The following SEMA3G variants were observed in gnomAD, a reference collection of about 807,000 sequenced individuals.
SEMA3G encodes semaphorin 3G.
In SEMA3G, 70 loss-of-function variants were observed where a neutral mutation model predicts 86.2. The ratio of observed to expected loss-of-function variants is 0.81; its 90% CI spans 0.67 to 0.99. SEMA3G has a LOEUF of 0.99. Among genes scored for constraint, SEMA3G ranks in the 50% least tolerant of loss-of-function variants. SEMA3G has a pLI of 0.00. For missense variants in SEMA3G, 1,002 were observed against 1,072.4 expected (o/e 0.93, Z 0.92); for synonymous variants, 416 against 441.4 (o/e 0.94, Z 0.72).
chr3:52,440,681 T>C, intron 9 of SEMA3G, 73 bp downstream of exon 9: 1 of 1,500,942 alleles, frequency 6.7e-7, no homozygotes, highest in Non-Finnish European at 9.1e-7. Flanking sequence ...AGTCAGAGAG[T>C]ACAGTCACAG....
intron 14 of SEMA3G, 35 bp downstream of exon 14, chr3:52,437,936 G>T: frequency 6.3e-7 from 1 of 1,577,674 alleles, no homozygotes; most frequent in Non-Finnish European, 8.7e-7. Context: ...GTGAGTTCCA[G>T]CCCAGTCTGG....
At position 52,435,193 on chromosome 3, in the gene SEMA3G, C is replaced by T. The variant is rs760970494; in HGVS notation, c.*410G>A. 21 of 193,490 alleles carry T rather than the reference C, an allele frequency of 1.1e-4. No individual in the cohort carries two copies. Among genetic ancestry groups the T allele is most frequent in the Non-Finnish European group, 1.9e-4 (18 of 93,864 alleles). 12.0% of individuals were successfully genotyped at this position (193,490 alleles called of 1,614,324 possible). ...CCTCTGGCTCCCTGCAGGCCCCCTA[C>T]CGGGATACCCCCTAGACGCACCCAC... On this transcript the variant is annotated 3_prime_UTR_variant, in exon 16 of 16. Transcript: ENST00000231721.
rs1056966891 is a variant in SEMA3G at position 52,445,043 on chromosome 3, G to A, written c.-16C>T. On this transcript the variant is annotated 5_prime_UTR_variant, in exon 1 of 16. Coordinates refer to ENST00000231721, the MANE Select transcript of SEMA3G (RefSeq NM_020163.3). Reference sequence around the variant, plus strand: ...AGGGGGCCATGCTGGGGAACTGAGGGCACCGCTGCCGCCTGCCTGCAGAGC... The same window carrying A: ...AGGGGGCCATGCTGGGGAACTGAGGACACCGCTGCCGCCTGCCTGCAGAGC... The A allele has an allele frequency of 4.0e-6, 5 of 1,265,588 alleles. No individual in the cohort carries two copies. In the African/African-American group the frequency reaches 7.7e-5, roughly 20 times the overall value. The allele number at this position is 1,265,588 out of a possible 1,614,324, so 78.4% of individuals were successfully genotyped here.
In SEMA3G at chr3:52,444,897, A is replaced by T; in HGVS notation, c.115+16T>A. The stretch of plus-strand genomic sequence containing the variant: ...CAGGGCACATGCACACAAACAGGGC[A>T]CGCAGGGGCTGGTACCTCGGTAGGA... On this transcript the variant is annotated intron_variant, in intron 1 of 15. Coordinates refer to ENST00000231721, the MANE Select transcript of SEMA3G (RefSeq NM_020163.3). 9 of 1,304,250 alleles carry T rather than the reference A, an allele frequency of 6.9e-6. No homozygotes were observed. The highest frequency in any genetic ancestry group is 7.8e-6 in the Non-Finnish European group (8 of 1,021,040). The allele number at this position is 1,304,250 out of a possible 1,614,324, so 80.8% of individuals were successfully genotyped here.
At position 52,444,938 on chromosome 3, in the gene SEMA3G, C is replaced by A; in HGVS notation, c.90G>T (p.Val30=). ...CTCGGTAGGAGAGCCGCAGGCGGGG[C>A]ACACTGGGGCCGGGGCTGGGGCCAG... The part of the protein sequence containing the change: ...GSSGPSPGPS[V]PRLRLSYRDL... Residue 30 remains valine, a synonymous_variant, in exon 1 of 16, where the codon GTG becomes GTT. Coordinates refer to ENST00000231721, the MANE Select transcript of SEMA3G (RefSeq NM_020163.3). The A allele has an allele frequency of 7.7e-7, 1 of 1,303,718 alleles. No homozygotes were observed. The highest frequency in any genetic ancestry group is 1.5e-5 in the African/African-American group (1 of 64,884). The allele number at this position is 1,303,718 out of a possible 1,614,324, so 80.8% of individuals were successfully genotyped here. A position where few individuals can be genotyped will look rare whatever the true frequency, so the allele number is the denominator to read the frequency against.
rs143728633 is a variant in SEMA3G, at chr3:52,441,274, C to A, written c.803G>T (p.Arg268Leu). Residue 268 changes from arginine (R) to leucine (L), a missense_variant, in exon 7 of 16, where the codon CGC (arginine) becomes CTC (leucine). Transcript: ENST00000231721. The part of the protein sequence containing the change: ...SNHVTVSRVG[R>L]VCVNDAGGQR... ...CTTCCCAGCTCTTACCACGCAGACG[C>A]GGCCCACGCGGCTGACAGTGACATG... is the stretch of plus-strand genomic sequence containing the variant. 7 of 1,613,080 alleles carry A rather than the reference C, an allele frequency of 4.3e-6. No individual in the cohort carries two copies. In the East Asian group the frequency reaches 1.6e-4, roughly 36 times the overall value.
intron 12 of SEMA3G, 72 bp downstream of exon 12, chr3:52,439,608 C>A (rs1175489037): frequency 1.5e-6 from 2 of 1,300,318 alleles, no homozygotes; most frequent in East Asian, 4.7e-5. Context: ...GGGCTTGCTC[C>A]TGCATCCCTG....
Position 52,441,507 on chromosome 3 carries a change from T to C in SEMA3G, c.667+67A>G, listed in dbSNP as rs1339596092. ...GAGGAATGGGGCAGGGGACTCCCACTGGAGGCTGGTGTCCTAGCTGGGAAG... is the reference window on the plus strand; with the variant it reads ...GAGGAATGGGGCAGGGGACTCCCACCGGAGGCTGGTGTCCTAGCTGGGAAG... On this transcript the variant is annotated intron_variant, in intron 6 of 15. Transcript: ENST00000231721. The C allele has an allele frequency of 1.9e-6, 3 of 1,577,518 alleles. No homozygotes were observed. The African/African-American group carries it at 4.0e-5, about 21-fold the overall frequency.
At position 52,438,961 on chromosome 3, in the gene SEMA3G, C is replaced by T. The variant is rs1706096711; in HGVS notation, c.1468G>A (p.Val490Met). 1 of 1,613,306 alleles carries T rather than the reference C, an allele frequency of 6.2e-7. No homozygotes were observed. The highest frequency in any genetic ancestry group is 8.5e-7 in the Non-Finnish European group (1 of 1,179,596). ...TCCATTTCGGTGATAGGTGTTGGCA[C>T]CTGGGGAAGGAGAAGGGTCTCAGTG... ...VVLEELQVFKVPTPITEMEIS... is the reference protein window; with the variant it reads ...VVLEELQVFKMPTPITEMEIS... Residue 490 changes from valine to methionine, a missense_variant and splice_region_variant, in exon 13 of 16, where the codon GTG becomes ATG. Val to Met is a conservative substitution (Grantham distance 21). Transcript: ENST00000231721.
Position 52,442,923 on chromosome 3 carries a change from G to A in SEMA3G, c.116-16C>T, listed in dbSNP as rs1370417146. 5 of 1,577,840 alleles carry A rather than the reference G, an allele frequency of 3.2e-6. No individual in the cohort carries two copies. Among genetic ancestry groups the A allele is most frequent in the Non-Finnish European group, 3.4e-6 (4 of 1,161,744 alleles). ...GACAGGAGGTCTAGGAGGATGTATG[G>A]GGAGGCAGATCAGGGCCACAGCTCA... is the stretch of plus-strand genomic sequence containing the variant. On this transcript the variant is annotated splice_polypyrimidine_tract_variant and intron_variant, in intron 1 of 15. Transcript: ENST00000231721. This position sits in a 1 kb window ranked among gnomAD's most constrained non-coding sequence, Gnocchi z 6.1.
intron 1 of SEMA3G, among the ~76,000 whole-genome samples, chr3:52,443,318 C>A (rs1173350197): frequency 6.6e-6 from 1 of 152,200 alleles, no homozygotes; most frequent in Non-Finnish European, 1.5e-5. Flanking sequence ...GAGGGTGGGC[C>A]AGCAGGCGAA....
intron 1 of SEMA3G, among the ~76,000 whole-genome samples, chr3:52,444,610 C>A (rs1214644882): frequency 6.6e-6 from 1 of 151,684 alleles, no homozygotes; most frequent in Non-Finnish European, 1.5e-5. Flanking sequence ...CACACGCACA[C>A]AAACACGGCA....
In SEMA3G at chr3:52,442,008, G is replaced by T; in HGVS notation, c.460-99C>A. On this transcript the variant is annotated intron_variant, in intron 4 of 15. Transcript: ENST00000231721. This position sits in a 1 kb window ranked among gnomAD's most constrained non-coding sequence, Gnocchi z 6.1. ...GCCCTCGCGTGCGGCCAGAGAGCGG[G>T]GGTGGGCGGAAGGCGTCCTCATCCA... The T allele has an allele frequency of 7.6e-7, 1 of 1,320,912 alleles. No homozygotes were observed. Among genetic ancestry groups the T allele is most frequent in the Non-Finnish European group, 1.0e-6 (1 of 956,822 alleles). The allele number at this position is 1,320,912 out of a possible 1,614,324, so 81.8% of individuals were successfully genotyped here.
intron 7 of SEMA3G, 98 bp downstream of exon 7, chr3:52,441,166 C>G: frequency 2.0e-6 from 3 of 1,521,256 alleles, no homozygotes; most frequent in Non-Finnish European, 2.7e-6. Context: ...ATCCTTGCCT[C>G]AGTTTCCCTA....
At chr3:52,440,714 C>G (rs912503222) in intron 9 of SEMA3G, 40 bp downstream of exon 9, 1 of 1,580,042 alleles carries the variant, frequency 6.3e-7, no homozygotes, top group Admixed American at 1.7e-5. Flanking sequence ...GGGACAAAGA[C>G]AGGGGCCCAT....
intron 14 of SEMA3G, 125 bp downstream of exon 14, chr3:52,437,846 G>A (rs1379527857): frequency 1.8e-6 from 2 of 1,130,940 alleles, no homozygotes; most frequent in African/African-American, 3.1e-5. Flanking sequence ...GAGCTACACA[G>A]AGAGGGAAAC....
At position 52,441,045 on chromosome 3, in the gene SEMA3G, C is replaced by T; in HGVS notation, c.817G>A (p.Asp273Asn). ...ACCAGCACCCGCTGGCCCCCAGCATCATTCTGCAGGATAAGGGGCCAGAGT... is the reference window on the plus strand; with the variant it reads ...ACCAGCACCCGCTGGCCCCCAGCATTATTCTGCAGGATAAGGGGCCAGAGT... ...VSRVGRVCVN[D>N]AGGQRVLVNK... is the part of the protein sequence containing the mutation. Residue 273 changes from aspartate (D) to asparagine (N), a missense_variant, in exon 8 of 16, where the codon GAT becomes AAT. Physicochemically the swap from Asp to Asn is conservative, Grantham distance 23. Transcript: ENST00000231721. The T allele has an allele frequency of 1.3e-6, 2 of 1,593,920 alleles. No individual in the cohort carries two copies. The highest frequency in any genetic ancestry group is 1.7e-6 in the Non-Finnish European group (2 of 1,175,768).
At chr3:52,443,574 G>C (rs1292773702) in intron 1 of SEMA3G, among the ~76,000 whole-genome samples, 1 of 152,158 alleles carries the variant, frequency 6.6e-6, no homozygotes, top group Admixed American at 6.5e-5. Context: ...GGGGGCAGTA[G>C]GATGTGGCAG....
At position 52,437,483 on chromosome 3, in the gene SEMA3G, C is replaced by A. The variant is rs763286222; in HGVS notation, c.1878+44G>T. On this transcript the variant is annotated intron_variant, in intron 15 of 15. Transcript: ENST00000231721. ...TCTTGGGGTTCAGGATGGGAGGTGACCTCAGGACACACAGAGGCTAGAGGC... is the reference window on the plus strand; with the variant it reads ...TCTTGGGGTTCAGGATGGGAGGTGAACTCAGGACACACAGAGGCTAGAGGC... 8 of 1,582,900 alleles carry A rather than the reference C, an allele frequency of 5.1e-6. No homozygotes were observed. The African/African-American group carries it at 1.1e-4, about 21-fold the overall frequency.
Sources: allele counts gnomAD v4.1 joint callset (sites outside exome capture counted in the v4.1 genomes callset), GRCh38; gene constraint gnomAD v4.1.1; non-coding constraint Gnocchi (gnomAD v3.1); transcripts MANE v1.5; gene names NCBI Gene and HGNC (gene_info 2026-07-23, HGNC 2026-07-21).